Variants in USH2A observed in about 807,000 individuals in gnomAD.
USH2A encodes Usher syndrome 2A (autosomal recessive, mild).
Under a neutral mutation model 538.9 loss-of-function variants are expected in USH2A, and 443 were observed. The ratio of observed to expected loss-of-function variants is 0.82; its 90% CI spans 0.76 to 0.89. USH2A has a LOEUF of 0.89. Among genes scored for constraint, USH2A ranks in the 40% least tolerant of loss-of-function variants. The pLI, the probability that USH2A is intolerant of heterozygous loss-of-function variation, is 0.00. For synonymous variants in USH2A, 2,413 were observed against 2,273.5 expected (o/e 1.06, Z -1.75); for missense variants, 6,633 against 6,324.8 (o/e 1.05, Z -1.65).
chr1:216,079,080 A>G (rs1558247182), intron 26 of USH2A: 2 of 152,144 alleles, frequency 1.3e-5, no homozygotes, highest in Admixed American at 1.3e-4. Flanking sequence ...TAGAAACCAT[A>G]TCAGTAACCA....
chr1:215,958,394 A>G (rs1381177214), intron 37 of USH2A, among the ~76,000 whole-genome samples: 1 of 152,164 alleles, frequency 6.6e-6, no homozygotes, highest in Non-Finnish European at 1.5e-5. Context: ...TCGGAACTGT[A>G]GTTAAAAATA....
At chr1:215,920,186 T>G (rs1341632755) in intron 38 of USH2A, among the ~76,000 whole-genome samples, 1 of 152,064 alleles carries the variant, frequency 6.6e-6, no homozygotes, top group Non-Finnish European at 1.5e-5. Context: ...ACATCAAGAT[T>G]CAGAAACTGT....
chr1:216,290,122 C>T (rs748896762), intron 10 of USH2A, among the ~76,000 whole-genome samples: 10 of 151,974 alleles, frequency 6.6e-5, no homozygotes, highest in Admixed American at 1.3e-4. Context: ...TTAAAGTGAA[C>T]GTGACTAGTG....
At chr1:216,112,588 T>C (rs1426469357) in intron 21 of USH2A, among the ~76,000 whole-genome samples, 1 of 152,130 alleles carries the variant, frequency 6.6e-6, no homozygotes, top group African/African-American at 2.4e-5. Context: ...CCAATAATTA[T>C]CTTTTCTGCT....
intron 37 of USH2A, among the ~76,000 whole-genome samples, chr1:215,960,343 C>T (rs1195658478): frequency 2.0e-5 from 3 of 152,040 alleles, no homozygotes; most frequent in Non-Finnish European, 4.4e-5. Context: ...CAAACTTACA[C>T]ATTTGTTTTA....
intron 23 of USH2A, 128 bp from the exon 24 acceptor site, chr1:216,086,948 T>C (rs893120599): frequency 2.8e-6 from 2 of 711,366 alleles, no homozygotes; most frequent in South Asian, 1.5e-5. Flanking sequence ...CCTCATTGCC[T>C]GTTCATTACT....
At chr1:215,795,887 G>A (rs1049632711) in intron 50 of USH2A, among the ~76,000 whole-genome samples, 22 of 151,822 alleles carry the variant, frequency 1.4e-4, no homozygotes, top group Admixed American at 1.4e-3. Context: ...TGTTTATATG[G>A]GTTTTACCTG....
At chr1:215,797,312 G>A (rs1242276590) in intron 50 of USH2A, among the ~76,000 whole-genome samples, 18 of 152,320 alleles carry the variant, frequency 1.2e-4, no homozygotes, top group Middle Eastern at 3.4e-3. Context: ...TGCTGATGTA[G>A]AAACTGCTGC....
Position 215,759,835 on chromosome 1 carries a change from C to T in USH2A, c.11056G>A (p.Val3686Met), listed in dbSNP as rs1418854471. 1.2e-6 allele frequency: 2 copies of T among 1,613,840 alleles called. No homozygotes were observed. The highest frequency in any genetic ancestry group is 1.7e-5 in the Admixed American group (1 of 59,994). ...TLQAAPEGVW[V>M]TPRHIIINST... Reference sequence around the variant, plus strand: ...TTGATGATAATGTGTCGAGGTGTCACCCAAACTCCTGGCAAGAATAACGCA... The same window carrying T: ...TTGATGATAATGTGTCGAGGTGTCATCCAAACTCCTGGCAAGAATAACGCA... The change falls in exon 57 of 72, where the codon GTG (valine) becomes ATG (methionine). Residue 3686 changes from valine (V) to methionine (M), a missense_variant. Val to Met is a conservative substitution (Grantham distance 21). Coordinates refer to ENST00000307340, the MANE Select transcript of USH2A (RefSeq NM_206933.4).
chr1:216,230,627 A>C (rs573193308), intron 14 of USH2A, among the ~76,000 whole-genome samples: 10 of 152,244 alleles, frequency 6.6e-5, no homozygotes, highest in African/African-American at 2.4e-4. Flanking sequence ...CCTCTAATGG[A>C]GGTGTTAATG....
At chr1:216,131,060 C>T (rs775488922) in intron 21 of USH2A, among the ~76,000 whole-genome samples, 5 of 151,882 alleles carry the variant, frequency 3.3e-5, no homozygotes, top group East Asian at 1.9e-4. Flanking sequence ...CTATCATTAG[C>T]GATGTTGAGC....
intron 38 of USH2A, among the ~76,000 whole-genome samples, chr1:215,916,534 A>G (rs1665959803): frequency 6.6e-6 from 1 of 152,114 alleles, no homozygotes; most frequent in Admixed American, 6.6e-5. Context: ...TGGTAAGAAT[A>G]GATCAGTCAA....
At chr1:215,977,755 C>T in intron 35 of USH2A, among the ~76,000 whole-genome samples, 1 of 152,152 alleles carries the variant, frequency 6.6e-6, no homozygotes, top group South Asian at 2.1e-4. Context: ...TTGTGATCCA[C>T]CCTCCTCAGT....
chr1:215,887,147 G>C (rs1480051673), intron 41 of USH2A, among the ~76,000 whole-genome samples: 1 of 152,072 alleles, frequency 6.6e-6, no homozygotes, highest in African/African-American at 2.4e-5. Flanking sequence ...GTGAGCCACC[G>C]CACCCGGCCT....
At chr1:216,359,438 A>T (rs2038449482) in intron 4 of USH2A, among the ~76,000 whole-genome samples, 1 of 152,092 alleles carries the variant, frequency 6.6e-6, no homozygotes. Flanking sequence ...TAGATTAGAA[A>T]CCAGACTTAA....
At chr1:215,787,547 A>G (rs1661836267) in intron 51 of USH2A, among the ~76,000 whole-genome samples, 1 of 152,184 alleles carries the variant, frequency 6.6e-6, no homozygotes, top group African/African-American at 2.4e-5. Flanking sequence ...AGGAAATTAA[A>G]TACTTAATCA....
At chr1:215,935,194 G>A (rs1558169672) in intron 37 of USH2A, among the ~76,000 whole-genome samples, 1 of 151,846 alleles carries the variant, frequency 6.6e-6, no homozygotes, top group African/African-American at 2.4e-5. Flanking sequence ...TTTTTTGGAT[G>A]TGCAGACAGG....
At chr1:216,262,114 C>T (rs2036385728) in intron 11 of USH2A, among the ~76,000 whole-genome samples, 1 of 152,068 alleles carries the variant, frequency 6.6e-6, no homozygotes, top group Admixed American at 6.6e-5. Flanking sequence ...GAAGCAATTA[C>T]TTTACCAGAT....
chr1:216,148,862 G>A (rs2033769814), intron 21 of USH2A, among the ~76,000 whole-genome samples: 1 of 151,446 alleles, frequency 6.6e-6, no homozygotes, highest in Non-Finnish European at 1.5e-5. Context: ...CACTTGGACT[G>A]ACCCTGACAC....
Sources: gnomAD v4.1 joint callset for allele counts (sites outside exome capture counted in the v4.1 genomes callset) on GRCh38, gnomAD v4.1.1 for gene constraint, MANE v1.5 for transcripts, NCBI Gene and HGNC (gene_info 2026-07-23, HGNC 2026-07-21) for gene names.